SBNO1: variants seen among roughly 807,000 people sequenced by gnomAD.
SBNO1 encodes protein strawberry notch homolog 1.
Under a neutral mutation model 173.6 loss-of-function variants are expected in SBNO1, and 23 were observed. The observed-to-expected ratio is 0.13, with a 90% CI of 0.10 to 0.19. The LOEUF (loss-of-function observed/expected upper bound fraction) is 0.19, where lower values mean the gene tolerates loss of function less well. Ranked by LOEUF, SBNO1 falls within the 10% of genes least tolerant of loss-of-function variation. SBNO1 has a pLI of 1.00. For missense variants in SBNO1, 1,238 were observed against 1,671.2 expected (o/e 0.74, Z 4.52); for synonymous variants, 632 against 571.5 (o/e 1.11, Z -1.51).
intron 13 of SBNO1, 145 bp downstream of exon 13, chr12:123,327,281 G>C: frequency 1.5e-6 from 1 of 685,214 alleles, no homozygotes; most frequent in Non-Finnish European, 2.5e-6. Context: ...AAAGTGCTGA[G>C]GCATGAGACA....
chr12:123,307,084 G>C (rs1452368983), intron 28 of SBNO1, among the ~76,000 whole-genome samples: 1 of 140,526 alleles, frequency 7.1e-6, no homozygotes, highest in African/African-American at 2.6e-5. Flanking sequence ...AGCTACTTAA[G>C]AGGCTGAGGT....
rs555585982 is a variant in SBNO1 at position 123,305,576 on chromosome 12, C to T, written c.3631-857G>A. On this transcript the variant is annotated intron_variant, in intron 28 of 31. Coordinates refer to ENST00000602398, the MANE Select transcript of SBNO1 (RefSeq NM_001167856.3). ...CAAGCTCCGCCTCCCAGGTTCAAGG[C>T]GATTCTCCTGCCTCAGCCTCCCGAG... Among the ~76,000 whole-genome samples, 6 of 152,148 alleles carry T rather than the reference C, an allele frequency of 3.9e-5. No individual in the cohort carries two copies. In the South Asian group the frequency reaches 1.2e-3, roughly 32 times the overall value.
In SBNO1 at chr12:123,295,914, G is replaced by A. The variant is rs752170904; in HGVS notation, c.4176C>T (p.Asn1392=). The A allele has an allele frequency of 8.7e-6, 14 of 1,613,030 alleles. No individual in the cohort carries two copies. In the East Asian group the frequency reaches 8.9e-5, roughly 10 times the overall value. ...HHPQSITNLS[N]A is the part of the protein sequence containing the mutation. Reference sequence around the variant, plus strand: ...GTTGAAACCTGTCTGTTCTTCATGCGTTGCTCAAGTTGGTGATGCTCTGAG... The same window carrying A: ...GTTGAAACCTGTCTGTTCTTCATGCATTGCTCAAGTTGGTGATGCTCTGAG... Residue 1392 remains asparagine, a synonymous_variant, in exon 32 of 32, where the codon AAC becomes AAT. Coordinates refer to ENST00000602398, the MANE Select transcript of SBNO1 (RefSeq NM_001167856.3).
intron 5 of SBNO1, 97 bp from the exon 6 acceptor site, chr12:123,336,588 C>G: frequency 1.4e-6 from 1 of 727,254 alleles, no homozygotes; most frequent in Admixed American, 3.1e-5. Context: ...CTACAAATTT[C>G]CATCATGGAA....
Position 123,304,563 on chromosome 12 carries a change from T to C in SBNO1, c.3768+19A>G, listed in dbSNP as rs1745180632. ...AAGTAAGTATTCCTATATAATATAA[T>C]GTACAAATGAAAAAATACCTTCTTA... is the stretch of plus-strand genomic sequence containing the variant. On this transcript the variant is annotated intron_variant, in intron 29 of 31. Coordinates refer to ENST00000602398, the MANE Select transcript of SBNO1 (RefSeq NM_001167856.3). 3 of 1,477,382 alleles carry C rather than the reference T, an allele frequency of 2.0e-6. No individual in the cohort carries two copies. The highest frequency in any genetic ancestry group is 1.2e-5 in the South Asian group (1 of 86,286). The allele number at this position is 1,477,382 out of a possible 1,614,324, so 91.5% of individuals were successfully genotyped here.
At chr12:123,310,468 G>A (rs1331957568) in intron 25 of SBNO1, among the ~76,000 whole-genome samples, 1 of 152,086 alleles carries the variant, frequency 6.6e-6, no homozygotes, top group Non-Finnish European at 1.5e-5. Flanking sequence ...TCCTGACCTT[G>A]TGATACGCCT....
intron 1 of SBNO1, among the ~76,000 whole-genome samples, chr12:123,355,782 C>G (rs1874395233): frequency 6.6e-6 from 1 of 151,364 alleles, no homozygotes; most frequent in Non-Finnish European, 1.5e-5. Flanking sequence ...GACCCTGTCC[C>G]AAAAAAATGA....
At position 123,328,798 on chromosome 12, in the gene SBNO1, C is replaced by T; in HGVS notation, c.1232G>A (p.Gly411Asp). ...YSSLIGESQS[G>D]GKYKTRLKQL... is the part of the protein sequence containing the mutation. ...TTTTAACCTAGTTTTATACTTGCCGCCAGACTGGCTTTCACCAATAAGTGA... is the reference window on the plus strand; with the variant it reads ...TTTTAACCTAGTTTTATACTTGCCGTCAGACTGGCTTTCACCAATAAGTGA... The change falls in exon 10 of 32, where the codon GGC (glycine) becomes GAC (aspartate). Residue 411 changes from glycine (G) to aspartate (D), a missense_variant. Physicochemically the swap from Gly to Asp is moderately conservative, Grantham distance 94. Coordinates refer to ENST00000602398, the MANE Select transcript of SBNO1 (RefSeq NM_001167856.3). 1 of 1,610,126 alleles carries T rather than the reference C, an allele frequency of 6.2e-7. No individual in the cohort carries two copies.
intron 7 of SBNO1, among the ~76,000 whole-genome samples, chr12:123,332,530 G>C (rs1327635957): frequency 6.6e-6 from 1 of 150,694 alleles, no homozygotes; most frequent in East Asian, 2.0e-4. Flanking sequence ...AACCTCAGGT[G>C]ATCCGCCAGC....
chr12:123,292,441 G>C lies in SBNO1; in HGVS notation c.*3467C>G, dbSNP rs1045812972. On this transcript the variant is annotated 3_prime_UTR_variant, in exon 32 of 32. Transcript: ENST00000602398. ...TATCTCATGCTAAAATGAAAGTGGA[G>C]GGGAGAGGGAAGAAGGCTCCCATTC... 1 of 152,152 alleles carries C rather than the reference G, an allele frequency of 6.6e-6. No individual in the cohort carries two copies. The highest frequency in any genetic ancestry group is 1.5e-5 in the Non-Finnish European group (1 of 68,036). The allele number at this position is 152,152 out of a possible 1,614,324, so 9.4% of individuals were successfully genotyped here.
intron 15 of SBNO1, among the ~76,000 whole-genome samples, chr12:123,324,200 A>G (rs1170986004): frequency 1.3e-5 from 2 of 151,318 alleles, no homozygotes; most frequent in Non-Finnish European, 2.9e-5. Context: ...ACATCTCAAT[A>G]TGGACCAGTC....
At chr12:123,329,202 G>A (rs1430646560) in intron 9 of SBNO1, among the ~76,000 whole-genome samples, 1 of 151,984 alleles carries the variant, frequency 6.6e-6, no homozygotes, top group Admixed American at 6.6e-5. Context: ...CCAACATAGT[G>A]AAACCCCATC....
rs776475891 is a variant in SBNO1 at position 123,310,921 on chromosome 12, T to C, written c.3295+134A>G. On this transcript the variant is annotated intron_variant, in intron 25 of 31. Transcript: ENST00000602398. Reference sequence around the variant, plus strand: ...TCTCTATGCATGGATCTTTTACACATACCCCACAGCAGCCAAAACCACCCA... The same window carrying C: ...TCTCTATGCATGGATCTTTTACACACACCCCACAGCAGCCAAAACCACCCA... The C allele has an allele frequency of 1.9e-4, 125 of 646,708 alleles. No homozygotes were observed. In the Middle Eastern group the frequency reaches 3.7e-3, roughly 19 times the overall value. The allele number at this position is 646,708 out of a possible 1,614,324, so 40.1% of individuals were successfully genotyped here. A position where few individuals can be genotyped will look rare whatever the true frequency, so the allele number is the denominator to read the frequency against.
intron 3 of SBNO1, among the ~76,000 whole-genome samples, chr12:123,347,287 T>C (rs1593404447): frequency 1.4e-5 from 2 of 145,624 alleles, no homozygotes; most frequent in Non-Finnish European, 3.0e-5. Flanking sequence ...AGTGCAGCGG[T>C]CCCATCTCGG....
In SBNO1 at chr12:123,353,087, C is replaced by T. The variant is rs555900133; in HGVS notation, c.1-2646G>A. On this transcript the variant is annotated intron_variant, in intron 1 of 31. Coordinates refer to ENST00000602398, the MANE Select transcript of SBNO1 (RefSeq NM_001167856.3). Reference sequence around the variant, plus strand: ...TGCTAGGATTAGAGGCGTGCACCACCGCGCCCAGCCTCCCAAAGGAGATTT... The same window carrying T: ...TGCTAGGATTAGAGGCGTGCACCACTGCGCCCAGCCTCCCAAAGGAGATTT... Among the ~76,000 whole-genome samples the T allele has an allele frequency of 1.1e-4, 17 of 152,206 alleles. No individual in the cohort carries two copies. In the East Asian group the frequency reaches 1.5e-3, roughly 14 times the overall value.
chr12:123,299,689 A>AAAAAC (rs2048720115), intron 30 of SBNO1, among the ~76,000 whole-genome samples: 1 of 150,646 alleles, frequency 6.6e-6, no homozygotes, highest in South Asian at 2.1e-4. Flanking sequence ...TTCAAAAAAA[A>AAAAAC]AAAAAAAAAA....
intron 10 of SBNO1, 147 bp downstream of exon 10, chr12:123,328,587 C>T (rs1176338070): frequency 3.6e-6 from 2 of 557,576 alleles, no homozygotes; most frequent in African/African-American, 3.9e-5. Flanking sequence ...ACCGAATCAA[C>T]TTTCCAATCC....
intron 1 of SBNO1, among the ~76,000 whole-genome samples, chr12:123,354,147 G>C (rs909355541): frequency 6.6e-6 from 1 of 152,120 alleles, no homozygotes; most frequent in Non-Finnish European, 1.5e-5. Context: ...AAGAAAGAGA[G>C]CAACGGTTAT....
chr12:123,298,148 C>T lies in SBNO1; in HGVS notation c.3869G>A (p.Ser1290Asn), dbSNP rs1267782970. ...ACCTATTTCACAAACTAGCCCCAAG[C>T]TTGCTTTTTTGCAATTGCCGCGCCT... Reference protein sequence around the residue: ...AYWRGNCKKASLGLVCEIGLR... With the variant: ...AYWRGNCKKANLGLVCEIGLR... Residue 1290 changes from serine to asparagine, a missense_variant, in exon 31 of 32, where the codon AGC (serine) becomes AAC (asparagine). By Grantham distance (46) the Ser-to-Asn change is conservative (BLOSUM62 1). Around this residue, in one of 14 missense-constraint regions of SBNO1, gnomAD observed 351 missense variants for 420.3 expected, o/e 0.84. Transcript: ENST00000602398. 1 of 1,612,928 alleles carries T rather than the reference C, an allele frequency of 6.2e-7. No individual in the cohort carries two copies. The highest frequency in any genetic ancestry group is 2.2e-5 in the East Asian group (1 of 44,794).
Sources: allele counts gnomAD v4.1 joint callset (sites outside exome capture counted in the v4.1 genomes callset), GRCh38; gene constraint gnomAD v4.1.1; regional missense constraint gnomAD v4.1.1; transcripts MANE v1.5; gene names NCBI Gene and HGNC (gene_info 2026-07-23, HGNC 2026-07-21).